Variants in CNTN5 observed in about 807,000 individuals in gnomAD.
CNTN5 encodes the protein contactin 5, also known as contactin-5.
In CNTN5, 77 loss-of-function variants were observed where a neutral mutation model predicts 129.1. That is an observed-to-expected ratio of 0.60 (90% CI 0.50 to 0.72). The LOEUF is 0.72. CNTN5 is among the 30% of genes least tolerant of loss of function. CNTN5 has a pLI of 0.00. For missense variants in CNTN5, 1,478 were observed against 1,328.8 expected, an observed-to-expected ratio of 1.11 and a Z score of -1.75; for synonymous variants, 509 against 465.6, an observed-to-expected ratio of 1.09 and a Z score of -1.20.
Position 99,434,217 on chromosome 11 carries a change from A to G in CNTN5, c.-71+108733A>G, listed in dbSNP as rs565802657. On this transcript the variant is annotated intron_variant, in intron 2 of 24. Transcript: ENST00000524871. Reference sequence around the variant, plus strand: ...CCACAGCCTTAATTTCCTCTTCAATATTGTGGAAAAATATATTTTGATGCA... The same window carrying G: ...CCACAGCCTTAATTTCCTCTTCAATGTTGTGGAAAAATATATTTTGATGCA... Among the ~76,000 whole-genome samples the G allele has an allele frequency of 5.9e-5, 9 of 152,248 alleles. No homozygotes were observed. In the East Asian group the frequency reaches 1.4e-3, roughly 23 times the overall value.
At chr11:99,213,374 GT>G (rs1859926528) in intron 1 of CNTN5, among the ~76,000 whole-genome samples, 1 of 103,542 alleles carries the variant, frequency 9.7e-6, no homozygotes, top group Non-Finnish European at 2.0e-5. Flanking sequence ...ATGTATATAT[GT>G]ATATACATAT....
chr11:99,679,211 T>A (rs1268154281), intron 3 of CNTN5, among the ~76,000 whole-genome samples: 2 of 147,668 alleles, frequency 1.4e-5, no homozygotes, highest in African/African-American at 4.9e-5. Flanking sequence ...TATATATATA[T>A]AAAGAGATTA....
chr11:100,037,331 G>T (rs1292453738), intron 9 of CNTN5, among the ~76,000 whole-genome samples: 1 of 151,854 alleles, frequency 6.6e-6, no homozygotes. Context: ...CTTGATCTTG[G>T]TGGATAAGCT....
chr11:99,991,966 C>T (rs942688156), intron 8 of CNTN5, among the ~76,000 whole-genome samples: 1 of 152,162 alleles, frequency 6.6e-6, no homozygotes, highest in Non-Finnish European at 1.5e-5. Flanking sequence ...TACAGTGGCT[C>T]CTATTCAACT....
chr11:99,212,934 G>A (rs1859880319), intron 1 of CNTN5, among the ~76,000 whole-genome samples: 1 of 152,068 alleles, frequency 6.6e-6, no homozygotes, highest in Non-Finnish European at 1.5e-5. Flanking sequence ...GCTCAGGCCT[G>A]TAATCCCAGC....
chr11:99,381,839 G>A (rs554966537), intron 2 of CNTN5, among the ~76,000 whole-genome samples: 1 of 152,092 alleles, frequency 6.6e-6, no homozygotes, highest in South Asian at 2.1e-4. Context: ...ACTAATTATA[G>A]CAATTATTTT....
At position 100,356,317 on chromosome 11, in the gene CNTN5, T is replaced by G. The variant is rs200742695; in HGVS notation, c.*97T>G. 2.7e-5 allele frequency: 23 copies of G among 852,468 alleles called. No individual in the cohort carries two copies. Among genetic ancestry groups the G allele is most frequent in the Non-Finnish European group, 4.2e-5 (22 of 520,492 alleles). The allele number at this position is 852,468 out of a possible 1,614,324, so 52.8% of individuals were successfully genotyped here. On this transcript the variant is annotated 3_prime_UTR_variant, in exon 25 of 25. Transcript: ENST00000524871. ...GAGAACCAGGATCCTGAGATGAGCT[T>G]GAGCTTTAAAAACTTGGGACTATAC...
intron 8 of CNTN5, among the ~76,000 whole-genome samples, chr11:99,991,217 C>T (rs566766970): frequency 6.6e-6 from 1 of 152,272 alleles, no homozygotes; most frequent in East Asian, 1.9e-4. Context: ...CCTGTAATCC[C>T]AGCACTTTGG....
At chr11:99,082,279 G>T (rs1865834533) in intron 1 of CNTN5, among the ~76,000 whole-genome samples, 1 of 150,558 alleles carries the variant, frequency 6.6e-6, no homozygotes, top group South Asian at 2.1e-4. Flanking sequence ...TCCGCCTCCT[G>T]GGTTCAAGCT....
chr11:99,265,665 C>A (rs1862850904), intron 1 of CNTN5, among the ~76,000 whole-genome samples: 1 of 151,704 alleles, frequency 6.6e-6, no homozygotes, highest in African/African-American at 2.4e-5. Flanking sequence ...AATTCTTATC[C>A]AGCCCCTTCC....
chr11:100,238,917 A>G (rs747247149), intron 16 of CNTN5, among the ~76,000 whole-genome samples: 17 of 152,210 alleles, frequency 1.1e-4, no homozygotes, highest in Admixed American at 3.3e-4. Flanking sequence ...GTGATAGAGT[A>G]CATTTTGACT....
chr11:99,465,909 T>G (rs1591108041), intron 2 of CNTN5, among the ~76,000 whole-genome samples: 1 of 124,754 alleles, frequency 8.0e-6, no homozygotes, highest in Non-Finnish European at 1.6e-5. Flanking sequence ...TGAGACGGAG[T>G]CTCGCTCTGT....
intron 2 of CNTN5, among the ~76,000 whole-genome samples, chr11:99,340,912 A>G (rs1866483194): frequency 6.6e-6 from 1 of 152,118 alleles, no homozygotes; most frequent in South Asian, 2.1e-4. Flanking sequence ...CTAACTGTCA[A>G]TATTTTGGGT....
intron 1 of CNTN5, among the ~76,000 whole-genome samples, chr11:99,266,859 A>G (rs1862924962): frequency 6.6e-6 from 1 of 152,006 alleles, no homozygotes; most frequent in Non-Finnish European, 1.5e-5. Context: ...GAGACAGATA[A>G]GTATGCGCAA....
intron 7 of CNTN5, among the ~76,000 whole-genome samples, chr11:99,918,171 G>A (rs1299344782): frequency 6.6e-6 from 1 of 151,900 alleles, no homozygotes; most frequent in Non-Finnish European, 1.5e-5. Context: ...TTCTCCTTCA[G>A]TTATTATCAT....
rs577602284 is a variant in CNTN5, at chr11:100,355,105, A to C, written c.3200-1012A>C. On this transcript the variant is annotated intron_variant, in intron 24 of 24. Coordinates refer to ENST00000524871, the MANE Select transcript of CNTN5 (RefSeq NM_014361.4). The stretch of plus-strand genomic sequence containing the variant: ...TTTTACTTTATAAACTTTAAATTTT[A>C]TCTCTTTTGTAATAACACTTAAAAC... 2.4e-4 allele frequency among the ~76,000 whole-genome samples: 36 copies of C among 151,882 alleles called. 2 individuals are homozygous for C. Among genetic ancestry groups the C allele is most frequent in the African/African-American group, 7.0e-4 (29 of 41,502 alleles).
chr11:100,044,006 C>T (rs377258168), intron 9 of CNTN5, among the ~76,000 whole-genome samples: 42 of 151,836 alleles, frequency 2.8e-4, no homozygotes, highest in Admixed American at 4.6e-4. Context: ...ACATTGTGCC[C>T]GTTAAGTAAT....
At chr11:99,416,417 A>G (rs892557659) in intron 2 of CNTN5, among the ~76,000 whole-genome samples, 10 of 152,030 alleles carry the variant, frequency 6.6e-5, no homozygotes, top group African/African-American at 2.4e-4. Flanking sequence ...AGTAGCTAGG[A>G]CTACAGGCAA....
intron 2 of CNTN5, among the ~76,000 whole-genome samples, chr11:99,408,384 G>A (rs1175444961): frequency 2.0e-4 from 26 of 127,258 alleles, no homozygotes; most frequent in African/African-American, 5.5e-4. Context: ...AAAAAAAAAA[G>A]AAAGAAAGAA....
Sources: allele counts gnomAD v4.1 joint callset (sites outside exome capture counted in the v4.1 genomes callset), GRCh38; gene constraint gnomAD v4.1.1; transcripts MANE v1.5; gene names NCBI Gene and HGNC (gene_info 2026-07-23, HGNC 2026-07-21).